The following SPRY3 variants were observed in gnomAD, a reference collection of about 807,000 sequenced individuals.
The protein encoded by SPRY3 is protein sprouty homolog 3.
A neutral mutation model predicts 20.2 loss-of-function variants in SPRY3; 15 were observed. That is an observed-to-expected ratio of 0.74 (90% confidence interval 0.50 to 1.14). SPRY3 has a LOEUF of 1.14. Among genes scored for constraint, SPRY3 ranks in the 50% most tolerant of loss-of-function variants. The pLI, the probability that SPRY3 is intolerant of heterozygous loss-of-function variation, is 0.00. For synonymous variants in SPRY3, 143 were observed against 136.5 expected, an observed-to-expected ratio of 1.05 and a Z score of -0.33; for missense variants, 364 against 363.9, an observed-to-expected ratio of 1.00 and a Z score of 0.00.
chrX:155,659,104 C>CTTCTTTCT (rs199567564), intron 2 of SPRY3, among the ~76,000 whole-genome samples: 13,854 of 83,846 alleles, frequency 0.17, 1,273 homozygotes, highest in African/African-American at 0.22. Flanking sequence ...TTTTTTCTTT[C>CTTCTTTCT]TTCTTTCTTT....
intron 2 of SPRY3, among the ~76,000 whole-genome samples, chrX:155,724,660 A>G (rs1044687985): frequency 6.6e-6 from 1 of 152,146 alleles, no homozygotes; most frequent in Non-Finnish European, 1.5e-5. Flanking sequence ...ATTTTTGCAC[A>G]TTGATTTTGT....
chrX:155,741,692 G>A (rs1173368250), intron 2 of SPRY3, among the ~76,000 whole-genome samples: 1 of 152,100 alleles, frequency 6.6e-6, no homozygotes, highest in Non-Finnish European at 1.5e-5. Flanking sequence ...TTGGGAGCCA[G>A]TATTCAACGT....
At chrX:155,740,247 C>T (rs1686909665) in intron 2 of SPRY3, among the ~76,000 whole-genome samples, 1 of 152,062 alleles carries the variant, frequency 6.6e-6, no homozygotes, top group South Asian at 2.1e-4. Context: ...GATTGTAAAA[C>T]ATTTGTGTTT....
chrX:155,721,843 C>T (rs306927), intron 2 of SPRY3, among the ~76,000 whole-genome samples: 2 of 151,872 alleles, frequency 1.3e-5, no homozygotes, highest in Non-Finnish European at 2.9e-5. Context: ...AGGATGTTAA[C>T]GAGCAATAAG....
At chrX:155,767,599 G>C (rs1015124748) in intron 2 of SPRY3, among the ~76,000 whole-genome samples, 4 of 149,766 alleles carry the variant, frequency 2.7e-5, no homozygotes, top group South Asian at 2.2e-4. Context: ...AGGAGGGAAA[G>C]GGGAGGGCAA....
intron 2 of SPRY3, among the ~76,000 whole-genome samples, chrX:155,758,279 T>G (rs1437466426): frequency 6.6e-6 from 1 of 152,210 alleles, no homozygotes; most frequent in African/African-American, 2.4e-5. Flanking sequence ...TCAAACTTAC[T>G]GTGTCACAGA....
intron 2 of SPRY3, among the ~76,000 whole-genome samples, chrX:155,721,552 G>A (rs890991121): frequency 6.6e-6 from 1 of 151,900 alleles, no homozygotes; most frequent in African/African-American, 2.4e-5. Context: ...CCTAAAAGTA[G>A]CAAGAGAAAA....
intron 2 of SPRY3, among the ~76,000 whole-genome samples, chrX:155,733,096 T>G (rs2091144798): frequency 1.3e-5 from 2 of 151,872 alleles, no homozygotes; most frequent in South Asian, 4.1e-4. Context: ...GATAGTACAA[T>G]AGGGTGACTA....
At chrX:155,760,135 T>C (rs1438641899) in intron 2 of SPRY3, among the ~76,000 whole-genome samples, 1 of 152,142 alleles carries the variant, frequency 6.6e-6, no homozygotes, top group Non-Finnish European at 1.5e-5. Flanking sequence ...TGGAATAGAG[T>C]AGTAATCTCT....
intron 2 of SPRY3, among the ~76,000 whole-genome samples, chrX:155,703,804 T>A (rs2090928492): frequency 6.6e-6 from 1 of 152,028 alleles, no homozygotes; most frequent in Non-Finnish European, 1.5e-5. Context: ...CCAGAGATTC[T>A]GGTATGTGGT....
intron 2 of SPRY3, among the ~76,000 whole-genome samples, chrX:155,692,433 C>G (rs929024520): frequency 9.0e-6 from 1 of 111,443 alleles, no homozygotes; most frequent in Non-Finnish European, 1.9e-5. Context: ...CTCTTGATTA[C>G]TGTAACTATA....
intron 2 of SPRY3, among the ~76,000 whole-genome samples, chrX:155,758,578 A>C (rs1461238969): frequency 6.6e-6 from 1 of 152,184 alleles, no homozygotes; most frequent in Non-Finnish European, 1.5e-5. Flanking sequence ...ACTTCTAAAG[A>C]GCTCCTGCTG....
chrX:155,700,586 T>C (rs2068133609), intron 2 of SPRY3, among the ~76,000 whole-genome samples: 1 of 99,592 alleles, frequency 1.0e-5, no homozygotes, highest in East Asian at 3.1e-4. Context: ...CACAATGGAA[T>C]ACTATTCAGC....
intron 2 of SPRY3, among the ~76,000 whole-genome samples, chrX:155,722,544 C>A (rs1191061113): frequency 6.6e-6 from 1 of 151,724 alleles, no homozygotes; most frequent in Non-Finnish European, 1.5e-5. Context: ...TTAATTAAAG[C>A]AAGAAATTAA....
intron 3 of SPRY3, among the ~76,000 whole-genome samples, chrX:155,773,532 A>G (rs1350409595): frequency 1.3e-5 from 2 of 152,028 alleles, no homozygotes; most frequent in Admixed American, 1.3e-4. Flanking sequence ...ATGGAATACA[A>G]AAAGAATCAA....
At chrX:155,636,510 C>T (rs1481234374) in intron 1 of SPRY3, among the ~76,000 whole-genome samples, 1 of 111,127 alleles carries the variant, frequency 9.0e-6, no homozygotes, top group Non-Finnish European at 1.9e-5. Flanking sequence ...AACCCAAAAC[C>T]ATATGGTGTA....
intron 2 of SPRY3, among the ~76,000 whole-genome samples, chrX:155,721,378 A>G (rs937729582): frequency 2.0e-5 from 3 of 152,188 alleles, no homozygotes; most frequent in African/African-American, 7.2e-5. Context: ...GAGGGTAGAA[A>G]GTTTATTCAA....
intron 2 of SPRY3, among the ~76,000 whole-genome samples, chrX:155,726,332 C>T (rs750776920): frequency 6.6e-6 from 1 of 152,048 alleles, no homozygotes; most frequent in Non-Finnish European, 1.5e-5. Context: ...ATGTCTATTA[C>T]ATCTACTTGG....
intron 2 of SPRY3, among the ~76,000 whole-genome samples, chrX:155,712,741 T>C (rs773402211): frequency 2.0e-5 from 3 of 152,084 alleles, no homozygotes; most frequent in African/African-American, 7.2e-5. Context: ...TTCTGGTTGT[T>C]TTGTGATCTC....
Sources: gnomAD v4.1 joint callset for allele counts (sites outside exome capture counted in the v4.1 genomes callset) on GRCh38, gnomAD v4.1.1 for gene constraint, MANE v1.5 for transcripts, NCBI Gene and HGNC (gene_info 2026-07-23, HGNC 2026-07-21) for gene names.